The following LRRC4C variants were observed in gnomAD, a reference collection of about 807,000 sequenced individuals.
LRRC4C encodes the protein leucine rich repeat containing 4C.
LRRC4C carries 5 observed loss-of-function variants against 33.6 expected under a neutral mutation model. The observed-to-expected ratio is 0.15, with a 90% CI of 0.08 to 0.31. The LOEUF (loss-of-function observed/expected upper bound fraction) is 0.31, where lower values mean the gene tolerates loss of function less well. LRRC4C is among the 10% of genes least tolerant of loss of function. The pLI is 1.00. For missense variants in LRRC4C, 560 were observed against 796.7 expected (o/e 0.70, Z 3.58); for synonymous variants, 329 against 302.0 (o/e 1.09, Z -0.93).
chr11:40,572,122 T>A (rs2135570829), intron 3 of LRRC4C, among the ~76,000 whole-genome samples: 1 of 152,290 alleles, frequency 6.6e-6, no homozygotes, highest in East Asian at 1.9e-4. Context: ...TTGTTCAACA[T>A]AAAGCAGGAA....
intron 1 of LRRC4C, among the ~76,000 whole-genome samples, chr11:41,182,024 T>A (rs954542331): frequency 3.3e-5 from 5 of 152,198 alleles, no homozygotes; most frequent in Non-Finnish European, 7.3e-5. Flanking sequence ...TGCATCCCAA[T>A]TCACAGACCC....
rs1284670102 is a variant in LRRC4C, at chr11:41,421,222, T to C, written c.-496+38209A>G. Among the ~76,000 whole-genome samples the C allele has an allele frequency of 1.3e-5, 2 of 152,052 alleles. 1 individual carries two copies. Among genetic ancestry groups the C allele is most frequent in the African/African-American group, 4.8e-5 (2 of 41,430 alleles). Reference sequence around the variant, plus strand: ...TGTTTGCTATTATTATTACTTAATGTAATGACATCCAGATAGAAAATCCCA... The same window carrying C: ...TGTTTGCTATTATTATTACTTAATGCAATGACATCCAGATAGAAAATCCCA... On this transcript the variant is annotated intron_variant, in intron 1 of 6. Coordinates refer to ENST00000528697, the MANE Select transcript of LRRC4C (RefSeq NM_001258419.2).
chr11:41,400,923 T>C (rs1262585904), intron 1 of LRRC4C, among the ~76,000 whole-genome samples: 1 of 151,570 alleles, frequency 6.6e-6, no homozygotes, highest in African/African-American at 2.4e-5. Flanking sequence ...TGAACATATC[T>C]TGAACACAGC....
chr11:41,326,539 T>A (rs1477813673), intron 1 of LRRC4C, among the ~76,000 whole-genome samples: 3 of 152,120 alleles, frequency 2.0e-5, no homozygotes, highest in East Asian at 3.9e-4. Context: ...AACCTTCACA[T>A]GTGGCCCCAA....
At chr11:41,240,588 G>A (rs990705322) in intron 1 of LRRC4C, among the ~76,000 whole-genome samples, 1 of 152,148 alleles carries the variant, frequency 6.6e-6, no homozygotes, top group African/African-American at 2.4e-5. Flanking sequence ...CTGGGGAAAA[G>A]TAGCATTAGA....
chr11:40,793,503 G>A (rs972624447), intron 2 of LRRC4C, among the ~76,000 whole-genome samples: 2 of 152,152 alleles, frequency 1.3e-5, no homozygotes, highest in African/African-American at 4.8e-5. Flanking sequence ...TAACCAGTCA[G>A]AATTTGAAAA....
chr11:40,635,625 C>A (rs868197385), intron 3 of LRRC4C, among the ~76,000 whole-genome samples: 2 of 140,814 alleles, frequency 1.4e-5, no homozygotes, highest in Non-Finnish European at 3.0e-5. Flanking sequence ...GAAAAAGAAC[C>A]AAATTTTTTT....
intron 1 of LRRC4C, among the ~76,000 whole-genome samples, chr11:40,991,791 C>T (rs1209811103): frequency 6.6e-6 from 1 of 152,136 alleles, no homozygotes. Flanking sequence ...GCTGGTCCGA[C>T]AGGAGGCAGA....
chr11:41,007,666 T>A (rs1449354656), intron 1 of LRRC4C, among the ~76,000 whole-genome samples: 1 of 152,156 alleles, frequency 6.6e-6, no homozygotes, highest in Non-Finnish European at 1.5e-5. Context: ...ATGGTGATAT[T>A]GTTTTTAAAA....
intron 2 of LRRC4C, among the ~76,000 whole-genome samples, chr11:40,806,887 A>G (rs1350080858): frequency 1.3e-5 from 2 of 152,122 alleles, no homozygotes; most frequent in African/African-American, 4.8e-5. Flanking sequence ...TGAATTAAAA[A>G]TGTTCTTGCA....
rs1201476873 is a variant in LRRC4C at position 40,793,099 on chromosome 11, T to C, written c.-407+140536A>G. Among the ~76,000 whole-genome samples the C allele has an allele frequency of 3.9e-5, 6 of 151,990 alleles. No individual in the cohort carries two copies. In the East Asian group the frequency reaches 1.2e-3, roughly 29 times the overall value. The stretch of plus-strand genomic sequence containing the variant: ...CATGTATACATATGTAACAAACCTG[T>C]ACATTGTGCACATGTACCCTAGAAC... On this transcript the variant is annotated intron_variant, in intron 2 of 6. Transcript: ENST00000528697.
chr11:40,469,979 C>T (rs1952847146), intron 3 of LRRC4C, among the ~76,000 whole-genome samples: 1 of 152,176 alleles, frequency 6.6e-6, no homozygotes, highest in South Asian at 2.1e-4. Flanking sequence ...AATGTTATTG[C>T]CTGTTGGCTC....
intron 2 of LRRC4C, among the ~76,000 whole-genome samples, chr11:40,804,324 T>A (rs2135317027): frequency 6.6e-6 from 1 of 152,336 alleles, no homozygotes; most frequent in Non-Finnish European, 1.5e-5. Context: ...TTCACTAGAA[T>A]AAGAAATACA....
chr11:40,974,018 T>G (rs1028271689), intron 1 of LRRC4C, among the ~76,000 whole-genome samples: 3 of 152,180 alleles, frequency 2.0e-5, no homozygotes, highest in Non-Finnish European at 4.4e-5. Context: ...GGCTGGAATT[T>G]GAACACCTGG....
chr11:40,653,956 T>C (rs1258726040), intron 2 of LRRC4C, among the ~76,000 whole-genome samples: 1 of 152,180 alleles, frequency 6.6e-6, no homozygotes, highest in Non-Finnish European at 1.5e-5. Flanking sequence ...AAGGTACAGC[T>C]CAGGCCATTG....
rs926346674 is a variant in LRRC4C at position 40,314,195 on chromosome 11, CA to C, written c.-176+5432del. Among the ~76,000 whole-genome samples, 27 of 151,764 alleles carry C rather than the reference CA, an allele frequency of 1.8e-4. 1 individual carries two copies. The highest frequency in any genetic ancestry group is 6.1e-4 in the African/African-American group (25 of 41,246). On this transcript the variant is annotated intron_variant, in intron 4 of 6. Coordinates refer to ENST00000528697, the MANE Select transcript of LRRC4C (RefSeq NM_001258419.2). ...ATAAATAAAAAACAGAAGACAAAAACAAAAACAAAGCAAACAATCTGATTTT... is the reference window on the plus strand; with the variant it reads ...ATAAATAAAAAACAGAAGACAAAAACAAAACAAAGCAAACAATCTGATTTT...
chr11:40,376,107 T>C (rs1948649769), intron 3 of LRRC4C, among the ~76,000 whole-genome samples: 1 of 152,082 alleles, frequency 6.6e-6, no homozygotes, highest in Non-Finnish European at 1.5e-5. Context: ...TAAGAAGAAA[T>C]ATAATATGAG....
intron 1 of LRRC4C, among the ~76,000 whole-genome samples, chr11:41,181,002 A>C (rs753571236): frequency 6.6e-6 from 1 of 152,024 alleles, no homozygotes; most frequent in African/African-American, 2.4e-5. Context: ...ACCAGTTCTC[A>C]TCTTTGGGAG....
At chr11:40,665,333 T>A (rs1388898004) in intron 2 of LRRC4C, among the ~76,000 whole-genome samples, 88 of 9,354 alleles carry the variant, frequency 9.4e-3, no homozygotes, top group African/African-American at 0.024. Context: ...AAAATATATA[T>A]ATATATATAT....
Sources: gnomAD v4.1 joint callset for allele counts (sites outside exome capture counted in the v4.1 genomes callset) on GRCh38, gnomAD v4.1.1 for gene constraint, MANE v1.5 for transcripts, NCBI Gene and HGNC (gene_info 2026-07-23, HGNC 2026-07-21) for gene names.